SMPD4: variants seen among roughly 807,000 people sequenced by gnomAD.
SMPD4 encodes neutral sphingomyelinase 3.
SMPD4 carries 58 observed loss-of-function variants against 97.8 expected under a neutral mutation model. That is an observed-to-expected ratio of 0.59 (90% CI 0.48 to 0.74). SMPD4 has a LOEUF of 0.74. Ranked by LOEUF, SMPD4 falls within the 30% of genes least tolerant of loss-of-function variation. The pLI is 0.00. For missense variants in SMPD4, 853 were observed against 1,080.5 expected, an observed-to-expected ratio of 0.79 and a Z score of 2.95; for synonymous variants, 388 against 450.0, an observed-to-expected ratio of 0.86 and a Z score of 1.74.
chr2:130,173,388 G>A lies in SMPD4; in HGVS notation c.270-34C>T, dbSNP rs114037844. Reference sequence around the variant, plus strand: ...GAAATTGAACAAACAAACAAAAACAGGGCAAATGAACTGCGAATTATCTTG... The same window carrying A: ...GAAATTGAACAAACAAACAAAAACAAGGCAAATGAACTGCGAATTATCTTG... On this transcript the variant is annotated intron_variant, in intron 4 of 19. Coordinates refer to ENST00000680298, the MANE Select transcript of SMPD4 (RefSeq NM_017951.5). The A allele has an allele frequency of 5.3e-3, 8,531 of 1,607,872 alleles. 202 individuals are homozygous for A. In the African/African-American group the frequency reaches 0.068, roughly 13 times the overall value.
At chr2:130,178,480 C>T (rs1689177958) in intron 1 of SMPD4, among the ~76,000 whole-genome samples, 3 of 152,130 alleles carry the variant, frequency 2.0e-5, no homozygotes, top group Admixed American at 1.3e-4. Flanking sequence ...CCAAGGGAGC[C>T]TTTGAATAAG....
At position 130,176,637 on chromosome 2, in the gene SMPD4, A is replaced by G; in HGVS notation, c.-45T>C. The G allele has an allele frequency of 6.2e-7, 1 of 1,610,320 alleles. No individual in the cohort carries two copies. Among genetic ancestry groups the G allele is most frequent in the Non-Finnish European group, 8.5e-7 (1 of 1,178,554 alleles). On this transcript the variant is annotated splice_region_variant and 5_prime_UTR_variant, in exon 2 of 20. Coordinates refer to ENST00000680298, the MANE Select transcript of SMPD4 (RefSeq NM_017951.5). The stretch of plus-strand genomic sequence containing the variant: ...TTGAAAATGGCCTTCTTAGCAAACC[A>G]CTGTGGAAAAACAAAGACAAAATCT...
intron 15 of SMPD4, chr2:130,154,703 G>A (rs1432874222): frequency 1.8e-5 from 11 of 608,148 alleles, no homozygotes; most frequent in Admixed American, 5.5e-5. Context: ...AGTGTCTGCA[G>A]GAGGTAAACA....
Position 130,152,725 on chromosome 2 carries a change from G to C in SMPD4, c.2314C>G (p.Arg772Gly), listed in dbSNP as rs542450477. 2 of 1,586,236 alleles carry C rather than the reference G, an allele frequency of 1.3e-6. No homozygotes were observed. The highest frequency in any genetic ancestry group is 1.7e-6 in the Non-Finnish European group (2 of 1,167,594). ...GHTRGPRLSLRFLGSYRTLVS... is the reference protein window; with the variant it reads ...GHTRGPRLSLGFLGSYRTLVS... ...AGCGTCCGGTAACTGCCCAGGAAGC[G>C]CAGGCTGAGCCTGGGGCCGCGGGTG... The change falls in exon 20 of 20, where the codon CGC becomes GGC. Residue 772 changes from arginine to glycine, a missense_variant. Coordinates refer to ENST00000680298, the MANE Select transcript of SMPD4 (RefSeq NM_017951.5).
In SMPD4 at chr2:130,152,557, A is replaced by G. The variant is rs1686330200; in HGVS notation, c.2482T>C (p.Ter828ArgextTer21). 8 of 1,545,722 alleles carry G rather than the reference A, an allele frequency of 5.2e-6. No individual in the cohort carries two copies. In the East Asian group the frequency reaches 1.2e-4, roughly 24 times the overall value. Residue 828 changes from the stop codon to arginine (R), a stop_lost, in exon 20 of 20, where the codon TGA (stop) becomes CGA (arginine). Coordinates refer to ENST00000680298, the MANE Select transcript of SMPD4 (RefSeq NM_017951.5). ...TGCTCTGAAGGCAGCTGACACCTTCAGGGCTGGTGCAGCTTCCCCCGCTCG... is the reference window on the plus strand; with the variant it reads ...TGCTCTGAAGGCAGCTGACACCTTCGGGGCTGGTGCAGCTTCCCCCGCTCG... ...LTERGKLHQP[*>R]
At chr2:130,154,852 C>T (rs1205891267) in intron 15 of SMPD4, 14 of 629,176 alleles carry the variant, frequency 2.2e-5, no homozygotes, top group East Asian at 8.4e-5. Flanking sequence ...TGGACCGTGC[C>T]GGCCCGCTCT....
At chr2:130,165,130 A>AAAAAG (rs1249851300) in intron 9 of SMPD4, among the ~76,000 whole-genome samples, 9 of 149,776 alleles carry the variant, frequency 6.0e-5, no homozygotes, top group Non-Finnish European at 1.3e-4. Context: ...AAAAAAAAAA[A>AAAAAG]AAAAAAAGGG....
intron 9 of SMPD4, among the ~76,000 whole-genome samples, chr2:130,165,658 G>T (rs925621324): frequency 6.6e-6 from 1 of 152,220 alleles, no homozygotes; most frequent in Non-Finnish European, 1.5e-5. Flanking sequence ...TGAGATCTAG[G>T]AGTCAACTCC....
At chr2:130,156,197 G>A in intron 13 of SMPD4, 62 bp from the exon 14 acceptor site, 2 of 1,459,122 alleles carry the variant, frequency 1.4e-6, no homozygotes, top group Non-Finnish European at 9.5e-7. Flanking sequence ...GTGGCCTGGA[G>A]CCCAGATACC....
chr2:130,176,694 A>G lies in SMPD4; in HGVS notation c.-45-57T>C, dbSNP rs1190501505. On this transcript the variant is annotated intron_variant, in intron 1 of 19. Coordinates refer to ENST00000680298, the MANE Select transcript of SMPD4 (RefSeq NM_017951.5). ...CTGTAACACAGCAGAATCTTTTTAT[A>G]TTATTTTTTTAGAGACAGGGTCTTG... 3.1e-5 allele frequency: 44 copies of G among 1,434,844 alleles called. No homozygotes were observed. In the East Asian group the frequency reaches 9.4e-4, roughly 31 times the overall value. 88.9% of individuals were successfully genotyped at this position (1,434,844 alleles called of 1,614,324 possible). A position where few individuals can be genotyped will look rare whatever the true frequency, so the allele number is the denominator to read the frequency against.
At chr2:130,155,460 C>T (rs529013012) in intron 14 of SMPD4, among the ~76,000 whole-genome samples, 16 of 152,258 alleles carry the variant, frequency 1.1e-4, no homozygotes, top group Admixed American at 5.2e-4. Context: ...GACCCAGGCC[C>T]TCTGAGGATG....
chr2:130,179,239 G>A (rs966992182), intron 1 of SMPD4, among the ~76,000 whole-genome samples: 1 of 150,844 alleles, frequency 6.6e-6, no homozygotes, highest in Non-Finnish European at 1.5e-5. Flanking sequence ...TCCTGCCTCA[G>A]CCTCCCGAGT....
At position 130,156,092 on chromosome 2, in the gene SMPD4, G is replaced by A. The variant is rs757592918; in HGVS notation, c.1232C>T (p.Ala411Val). Residue 411 changes from alanine (A) to valine (V), a missense_variant, in exon 14 of 20, where the codon GCG becomes GTG. Physicochemically the swap from Ala to Val is moderately conservative, Grantham distance 64 (BLOSUM62 0). Transcript: ENST00000680298. Reference sequence around the variant, plus strand: ...GCTGCCCGGAGCCTGCTTGTCAGGCGCGTACCGCCACGGCTGCAGGTAGCT... The same window carrying A: ...GCTGCCCGGAGCCTGCTTGTCAGGCACGTACCGCCACGGCTGCAGGTAGCT... Reference protein sequence around the residue: ...WLSYLQPWRYAPDKQAPGSDS... With the variant: ...WLSYLQPWRYVPDKQAPGSDS... The A allele has an allele frequency of 1.1e-5, 18 of 1,611,132 alleles. No homozygotes were observed. Among genetic ancestry groups the A allele is most frequent in the East Asian group, 2.2e-5 (1 of 44,876 alleles).
intron 11 of SMPD4, chr2:130,158,210 A>G: frequency 7.8e-7 from 1 of 1,288,654 alleles, no homozygotes; most frequent in Non-Finnish European, 1.0e-6. Flanking sequence ...ACACAGCCAG[A>G]TGAGAACTCG....
rs1558771324 is a variant in SMPD4, at chr2:130,181,537, A to T, written c.-53T>A. ...GCATCCCGCGCCACTCACCTGTGGG[A>T]TCCATAGCGTCGCTCGCCTCAGAGA... is the stretch of plus-strand genomic sequence containing the variant. On this transcript the variant is annotated 5_prime_UTR_variant, in exon 1 of 20. Coordinates refer to ENST00000680298, the MANE Select transcript of SMPD4 (RefSeq NM_017951.5). 6.2e-7 allele frequency: 1 copy of T among 1,604,910 alleles called. No homozygotes were observed. Among genetic ancestry groups the T allele is most frequent in the Non-Finnish European group, 8.5e-7 (1 of 1,176,846 alleles).
At chr2:130,180,026 C>T (rs1180282917) in intron 1 of SMPD4, among the ~76,000 whole-genome samples, 2 of 142,322 alleles carry the variant, frequency 1.4e-5, no homozygotes, top group African/African-American at 5.3e-5. Context: ...TGCAGTGGCG[C>T]GATCTGGGCT....
At chr2:130,159,120 G>A (rs534324350) in intron 11 of SMPD4, among the ~76,000 whole-genome samples, 10 of 151,956 alleles carry the variant, frequency 6.6e-5, no homozygotes, top group South Asian at 2.1e-4. Context: ...TCAGCCTCCC[G>A]GGTAGCTGGG....
At chr2:130,180,226 G>A (rs910785313) in intron 1 of SMPD4, among the ~76,000 whole-genome samples, 55 of 151,856 alleles carry the variant, frequency 3.6e-4, no homozygotes, top group Admixed American at 1.2e-3. Flanking sequence ...GCCTCCCAAA[G>A]TGCTAGGATT....
chr2:130,181,372 AC>A (rs1558770968), intron 1 of SMPD4, 157 bp downstream of exon 1: 9 of 1,445,512 alleles, frequency 6.2e-6, no homozygotes, highest in Non-Finnish European at 8.1e-6. Context: ...AGAAGACTCA[AC>A]CGGGGCCCTC....
Sources: allele counts gnomAD v4.1 joint callset (sites outside exome capture counted in the v4.1 genomes callset), GRCh38; gene constraint gnomAD v4.1.1; transcripts MANE v1.5; gene names NCBI Gene and HGNC (gene_info 2026-07-23, HGNC 2026-07-21).